MTMR1: variants seen among roughly 807,000 people sequenced by gnomAD.
MTMR1 encodes the protein myotubularin related protein 1.
MTMR1 carries 17 observed loss-of-function variants against 51.6 expected under a neutral mutation model. The observed-to-expected ratio is 0.33, with a 90% CI of 0.23 to 0.49. MTMR1 has a LOEUF of 0.49. Ranked by LOEUF, MTMR1 falls within the 20% of genes least tolerant of loss-of-function variation. The probability of loss-of-function intolerance (pLI) is 0.99; values close to 1 mark genes in which losing one functional copy is unlikely to be tolerated. For missense variants in MTMR1, 386 were observed against 526.9 expected (o/e 0.73, Z 2.62); for synonymous variants, 201 against 205.6 (o/e 0.98, Z 0.19).
intron 10 of MTMR1, among the ~76,000 whole-genome samples, chrX:150,733,077 A>T: frequency 8.9e-6 from 1 of 112,608 alleles, no homozygotes; most frequent in African/African-American, 3.2e-5. Context: ...TGATTAATTC[A>T]TGTCTGGTCT....
chrX:150,761,210 G>A (rs1451762905), intron 15 of MTMR1, among the ~76,000 whole-genome samples: 1 of 111,538 alleles, frequency 9.0e-6, no homozygotes, highest in Non-Finnish European at 1.9e-5. Context: ...AGAGGAGCTG[G>A]TGCCACCTCC....
chrX:150,733,293 C>T (rs1002475125), intron 10 of MTMR1, among the ~76,000 whole-genome samples: 3 of 111,708 alleles, frequency 2.7e-5, no homozygotes, highest in Non-Finnish European at 5.6e-5. Flanking sequence ...ACTGATTTCT[C>T]TTCCCAGTCT....
At chrX:150,731,339 G>A (rs1432762151) in intron 8 of MTMR1, 131 bp from the exon 9 acceptor site, 11 of 535,072 alleles carry the variant, frequency 2.1e-5, no homozygotes, top group Non-Finnish European at 3.1e-5. Flanking sequence ...TGACTTTTAA[G>A]TTACAATAAA....
At chrX:150,741,008 ATT>A (rs1343155108) in intron 12 of MTMR1, among the ~76,000 whole-genome samples, 18 of 111,757 alleles carry the variant, frequency 1.6e-4, no homozygotes, top group African/African-American at 5.9e-4. Context: ...CACCTCCAAC[ATT>A]GGGGATCAAA....
chrX:150,752,066 G>A (rs903907486), intron 14 of MTMR1, among the ~76,000 whole-genome samples: 22 of 108,918 alleles, frequency 2.0e-4, no homozygotes, highest in African/African-American at 7.4e-4. Flanking sequence ...ATAGGCACCC[G>A]CCACCACGCC....
At chrX:150,759,910 C>T (rs984492650) in intron 15 of MTMR1, among the ~76,000 whole-genome samples, 10 of 109,267 alleles carry the variant, frequency 9.2e-5, no homozygotes, top group African/African-American at 2.9e-4. Flanking sequence ...CTGCCCAGTG[C>T]GTGTAGTTGT....
At chrX:150,728,181 G>C (rs5925413) in intron 6 of MTMR1, among the ~76,000 whole-genome samples, 29,846 of 111,473 alleles carry the variant, frequency 0.27, 3,125 homozygotes, top group South Asian at 0.51. Flanking sequence ...TAAACACTAT[G>C]TAAATAGTTG....
intron 1 of MTMR1, among the ~76,000 whole-genome samples, chrX:150,694,035 G>C (rs985065672): frequency 1.8e-5 from 2 of 111,705 alleles, no homozygotes; most frequent in African/African-American, 6.5e-5. Context: ...ATCCTCTTGG[G>C]AGGGAGATCC....
At chrX:150,699,528 A>G (rs189832238) in intron 2 of MTMR1, among the ~76,000 whole-genome samples, 81 of 112,649 alleles carry the variant, frequency 7.2e-4, no homozygotes, top group Non-Finnish European at 1.4e-3. Flanking sequence ...CTGTCTTTAG[A>G]TGACAATGAT....
intron 12 of MTMR1, among the ~76,000 whole-genome samples, chrX:150,738,453 T>A (rs1483016713): frequency 8.9e-6 from 1 of 112,371 alleles, no homozygotes; most frequent in Non-Finnish European, 1.9e-5. Flanking sequence ...TATATAAGTT[T>A]TTGCCATAAC....
chrX:150,714,651 CCT>C, intron 3 of MTMR1: 1 of 394,107 alleles, frequency 2.5e-6, no homozygotes, highest in Non-Finnish European at 3.8e-6. Flanking sequence ...ATAGTAGTGC[CCT>C]CCTGTCCAAA....
rs374605562 is a variant in MTMR1, at chrX:150,758,601, A to G, written c.1857+2736A>G. Among the ~76,000 whole-genome samples the G allele has an allele frequency of 9.5e-4, 106 of 111,310 alleles. 1 individual carries two copies. Among genetic ancestry groups the G allele is most frequent in the African/African-American group, 3.4e-3 (104 of 30,607 alleles). ...GAGGCAGAAGTTTGAGACCAGCCTG[A>G]CCAACATGGCAAAACCCTGTCTCTA... On this transcript the variant is annotated intron_variant, in intron 15 of 15. Transcript: ENST00000445323.
chrX:150,698,180 C>T (rs2040748253), intron 1 of MTMR1, among the ~76,000 whole-genome samples: 3 of 110,648 alleles, frequency 2.7e-5, no homozygotes, highest in African/African-American at 9.9e-5. Context: ...ATAATCCTAG[C>T]TACTAGGGAG....
At chrX:150,737,530 G>A (rs1399287062) in intron 12 of MTMR1, 82 bp downstream of exon 12, 46 of 804,395 alleles carry the variant, frequency 5.7e-5, no homozygotes, top group South Asian at 5.7e-4. Flanking sequence ...ACACGTAAGC[G>A]CATATATACA....
At chrX:150,755,262 C>G (rs2042872792) in intron 14 of MTMR1, among the ~76,000 whole-genome samples, 1 of 111,483 alleles carries the variant, frequency 9.0e-6, no homozygotes, top group Non-Finnish European at 1.9e-5. Context: ...CCAGGCTAGT[C>G]TCAAACTCCT....
chrX:150,718,583 CCTTTTTTTTTTTTTTTTTTTTTTT>C lies in MTMR1; in HGVS notation c.277-41_277-18del, dbSNP rs1249575497. ...AGTGAGATTTACTCCCGTTTGGTGT[CCTTTTTTTTTTTTTTTTTTTTTTT>C]TTTTTTTTTTTTGCCAGGCTCTAAG... On this transcript the variant is annotated intron_variant, in intron 3 of 15. Coordinates refer to ENST00000445323, the MANE Select transcript of MTMR1 (RefSeq NM_001306144.3). 17 of 352,194 alleles carry C rather than the reference CCTTTTTTTTTTTTTTTTTTTTTTT, an allele frequency of 4.8e-5. No homozygotes were observed. Among genetic ancestry groups the C allele is most frequent in the Admixed American group, 1.7e-4 (1 of 5,743 alleles). The allele number at this position is 352,194 out of a possible 1,213,427, so 29.0% of individuals were successfully genotyped here.
At chrX:150,723,551 C>T (rs782541886) in intron 4 of MTMR1, among the ~76,000 whole-genome samples, 122 of 111,242 alleles carry the variant, frequency 1.1e-3, no homozygotes, top group African/African-American at 3.9e-3. Flanking sequence ...GCCATTCTAA[C>T]TGGTGTGAGA....
At chrX:150,761,978 G>C (rs1197679276) in intron 15 of MTMR1, among the ~76,000 whole-genome samples, 1 of 112,580 alleles carries the variant, frequency 8.9e-6, no homozygotes, top group Non-Finnish European at 1.9e-5. Context: ...TGAGCAAGGA[G>C]GGAGGGGTTG....
intron 4 of MTMR1, among the ~76,000 whole-genome samples, chrX:150,725,986 T>C (rs2148614887): frequency 8.9e-6 from 1 of 111,868 alleles, no homozygotes; most frequent in Admixed American, 9.5e-5. Context: ...TAATACTTTG[T>C]GTCCACATTG....
Sources: gnomAD v4.1 joint callset for allele counts (sites outside exome capture counted in the v4.1 genomes callset) on GRCh38, gnomAD v4.1.1 for gene constraint, MANE v1.5 for transcripts, NCBI Gene and HGNC (gene_info 2026-07-23, HGNC 2026-07-21) for gene names.